KMT2E: variants seen among roughly 807,000 people sequenced by gnomAD.
The protein encoded by KMT2E is histone reader KMT2E.
In KMT2E, 30 loss-of-function variants were observed where a neutral mutation model predicts 184.6. The ratio of observed to expected loss-of-function variants is 0.16; its 90% confidence interval spans 0.12 to 0.22. The LOEUF (loss-of-function observed/expected upper bound fraction) is 0.22. Ranked by LOEUF, KMT2E falls within the 10% of genes least tolerant of loss-of-function variation. KMT2E has a pLI of 1.00. For missense variants in KMT2E, 2,023 were observed against 2,237.4 expected (o/e 0.90, Z 1.93); for synonymous variants, 815 against 776.5 (o/e 1.05, Z -0.82).
At chr7:105,075,369 G>C (rs538466260) in intron 8 of KMT2E, among the ~76,000 whole-genome samples, 1 of 152,194 alleles carries the variant, frequency 6.6e-6, no homozygotes, top group African/African-American at 2.4e-5. Context: ...TTCAGATCTG[G>C]CAGATGAGTG....
chr7:105,077,265 G>A (rs1344841336), intron 10 of KMT2E, 38 bp from the exon 11 acceptor site: 3 of 1,602,318 alleles, frequency 1.9e-6, no homozygotes, highest in South Asian at 1.1e-5. Context: ...CTGAAAACAA[G>A]CAAGTTTATT....
In KMT2E at chr7:105,040,937, A is replaced by G. The variant is rs1466361951; in HGVS notation, c.-16A>G. 1.9e-6 allele frequency: 3 copies of G among 1,605,030 alleles called. No individual in the cohort carries two copies. The Admixed American group carries it at 5.1e-5, about 28-fold the overall frequency. On this transcript the variant is annotated 5_prime_UTR_variant, in exon 3 of 27. Transcript: ENST00000311117. ...ATAGGACTCCATAGTAATCGAATTT[A>G]CCAGAGGCGAACGTCATGAGCATAG... is the stretch of plus-strand genomic sequence containing the variant.
Position 105,106,629 on chromosome 7 carries a change from G to A in KMT2E, c.2704G>A (p.Asp902Asn). The A allele has an allele frequency of 6.2e-7, 1 of 1,614,010 alleles. No individual in the cohort carries two copies. ...CCCGTATGCTACACCAACTCACACC[G>A]ATATTACTCCTATGGACCCATCTTT... ...PSPYATPTHT[D>N]ITPMDPSFAT... The change falls in exon 20 of 27, where the codon GAT becomes AAT. Residue 902 changes from aspartate to asparagine, a missense_variant. Physicochemically the swap from Asp to Asn is conservative, Grantham distance 23 (BLOSUM62 1). Around this residue, in one of 8 missense-constraint regions of KMT2E, gnomAD observed 514 missense variants for 621.8 expected, o/e 0.83. Coordinates refer to ENST00000311117, the MANE Select transcript of KMT2E (RefSeq NM_182931.3).
Position 105,087,818 on chromosome 7 carries a change from TCTTG to T in KMT2E, c.1359-2187_1359-2184del, listed in dbSNP as rs565412622. On this transcript the variant is annotated intron_variant, in intron 13 of 26. Transcript: ENST00000311117. Reference sequence around the variant, plus strand: ...CCATCTTTCTTTTGGGTAGCTGTTTTCTTGCTTTTTTTTTTTTTTTTTTCCCAGA... The same window carrying T: ...CCATCTTTCTTTTGGGTAGCTGTTTTCTTTTTTTTTTTTTTTTTTCCCAGA... 4.0e-3 allele frequency among the ~76,000 whole-genome samples: 606 copies of T among 151,224 alleles called. 6 individuals are homozygous for T. Among genetic ancestry groups the T allele is most frequent in the South Asian group, 0.023 (111 of 4,806 alleles).
In KMT2E at chr7:105,107,697, G is replaced by A. The variant is rs1798973314; in HGVS notation, c.3240G>A (p.Val1080=). 1 of 1,614,064 alleles carries A rather than the reference G, an allele frequency of 6.2e-7. No individual in the cohort carries two copies. The highest frequency in any genetic ancestry group is 1.1e-5 in the South Asian group (1 of 91,072). Residue 1080 remains valine (V), a synonymous_variant, in exon 22 of 27, where the codon GTG becomes GTA. Coordinates refer to ENST00000311117, the MANE Select transcript of KMT2E (RefSeq NM_182931.3). ...ACAGAACAGGAGTTAACTTCTCAGT[G>A]AACTCCAACTTGAGGGACCTGACAC... ...SPDRTGVNFS[V]NSNLRDLTPS... is the part of the protein sequence containing the mutation.
At chr7:105,070,443 C>A (rs559088170) in intron 6 of KMT2E, among the ~76,000 whole-genome samples, 2 of 151,264 alleles carry the variant, frequency 1.3e-5, no homozygotes, top group Non-Finnish European at 2.9e-5. Context: ...CCAGCCTAGG[C>A]AACATGGCAA....
At chr7:105,092,640 T>A (rs1346006835) in intron 15 of KMT2E, among the ~76,000 whole-genome samples, 2 of 152,202 alleles carry the variant, frequency 1.3e-5, no homozygotes, top group Non-Finnish European at 2.9e-5. Context: ...CCTAAAGGGA[T>A]TATCTTGAAC....
chr7:105,060,295 G>T (rs1796762148), intron 3 of KMT2E, among the ~76,000 whole-genome samples: 1 of 152,078 alleles, frequency 6.6e-6, no homozygotes, highest in African/African-American at 2.4e-5. Flanking sequence ...TCAAAGTACA[G>T]TCATGCACAC....
intron 11 of KMT2E, among the ~76,000 whole-genome samples, chr7:105,078,299 C>T (rs1286156839): frequency 6.6e-6 from 1 of 152,024 alleles, no homozygotes; most frequent in African/African-American, 2.4e-5. Flanking sequence ...CCATTAATTG[C>T]CTTTGATTTA....
At chr7:105,049,504 T>C (rs1796240691) in intron 3 of KMT2E, among the ~76,000 whole-genome samples, 9 of 152,052 alleles carry the variant, frequency 5.9e-5, no homozygotes. Context: ...TATTGAGGGC[T>C]TGTTATATGC....
chr7:105,051,335 G>A (rs1295060836), intron 3 of KMT2E, among the ~76,000 whole-genome samples: 4 of 151,922 alleles, frequency 2.6e-5, no homozygotes, highest in Admixed American at 6.6e-5. Flanking sequence ...ACAGGCATGC[G>A]CCATCATGCC....
chr7:105,040,883 G>C lies in KMT2E; in HGVS notation c.-70G>C, dbSNP rs1191893363. Reference sequence around the variant, plus strand: ...ATGTTTGCAATGAGCACTGTGGCTGGCATGCCCCAGTGTTTTGGATACCAA... The same window carrying C: ...ATGTTTGCAATGAGCACTGTGGCTGCCATGCCCCAGTGTTTTGGATACCAA... On this transcript the variant is annotated 5_prime_UTR_variant, in exon 3 of 27. Transcript: ENST00000311117. 35 of 1,114,652 alleles carry C rather than the reference G, an allele frequency of 3.1e-5. No individual in the cohort carries two copies. The highest frequency in any genetic ancestry group is 4.6e-5 in the Non-Finnish European group (34 of 743,836). The allele number at this position is 1,114,652 out of a possible 1,614,324, so 69.0% of individuals were successfully genotyped here.
chr7:105,033,692 G>C (rs1235971313), intron 1 of KMT2E, among the ~76,000 whole-genome samples: 1 of 152,000 alleles, frequency 6.6e-6, no homozygotes, highest in African/African-American at 2.4e-5. Context: ...GTAAAGATGG[G>C]GTTTCGCTGT....
intron 3 of KMT2E, among the ~76,000 whole-genome samples, chr7:105,046,997 C>A (rs917535747): frequency 1.3e-5 from 2 of 152,080 alleles, no homozygotes; most frequent in Admixed American, 6.5e-5. Flanking sequence ...GAATCCAAAG[C>A]GAAATCAGCA....
At chr7:105,108,293 A>G (rs1448128387) in intron 22 of KMT2E, among the ~76,000 whole-genome samples, 1 of 152,178 alleles carries the variant, frequency 6.6e-6, no homozygotes, top group Non-Finnish European at 1.5e-5. Context: ...GTATAGAGGA[A>G]ATGCCTCTTT....
At chr7:105,060,389 A>C (rs1796766373) in intron 3 of KMT2E, among the ~76,000 whole-genome samples, 1 of 151,870 alleles carries the variant, frequency 6.6e-6, no homozygotes, top group Admixed American at 6.6e-5. Context: ...CTACACGTGT[A>C]CCATTTTTTA....
chr7:105,084,519 C>T (rs1797884318), intron 13 of KMT2E, among the ~76,000 whole-genome samples: 1 of 151,710 alleles, frequency 6.6e-6, no homozygotes, highest in African/African-American at 2.4e-5. Context: ...CCCAGCTACT[C>T]GGGAGGCTGA....
chr7:105,055,704 T>C (rs2129566586), intron 3 of KMT2E, among the ~76,000 whole-genome samples: 1 of 152,320 alleles, frequency 6.6e-6, no homozygotes, highest in Admixed American at 6.5e-5. Context: ...GTTGTTGTTA[T>C]CTCTGACTGC....
intron 15 of KMT2E, among the ~76,000 whole-genome samples, chr7:105,100,743 G>A (rs1304177801): frequency 1.3e-5 from 2 of 152,082 alleles, no homozygotes; most frequent in African/African-American, 2.4e-5. Flanking sequence ...CATACAGAAC[G>A]CCCACCATTT....
Sources: gnomAD v4.1 joint callset for allele counts (sites outside exome capture counted in the v4.1 genomes callset) on GRCh38, gnomAD v4.1.1 for gene constraint, gnomAD v4.1.1 regional missense constraint, MANE v1.5 for transcripts, NCBI Gene and HGNC (gene_info 2026-07-23, HGNC 2026-07-21) for gene names.